The following SAMD9L variants were observed in gnomAD, a reference collection of about 807,000 sequenced individuals.
SAMD9L encodes the protein sterile alpha motif domain containing 9 like.
SAMD9L carries 68 observed loss-of-function variants against 90.7 expected under a neutral mutation model. The observed-to-expected ratio is 0.75, with a 90% CI of 0.62 to 0.92. SAMD9L has a LOEUF of 0.92. Among genes scored for constraint, SAMD9L ranks in the 40% least tolerant of loss-of-function variants. The pLI, the probability that SAMD9L is intolerant of heterozygous loss-of-function variation, is 0.00. For missense variants in SAMD9L, 1,604 were observed against 1,824.3 expected (o/e 0.88, Z 2.20); for synonymous variants, 640 against 630.1 (o/e 1.02, Z -0.23).
Position 93,131,792 on chromosome 7 carries a change from T to C in SAMD9L, c.4180A>G (p.Lys1394Glu), listed in dbSNP as rs1449583407. ...GGTTGAATTAACTTGGAGTTGGGCT[T>C]TAGACAACTCAGAATAATGTTGGCC... The part of the protein sequence containing the change: ...ILANIILSCL[K>E]PNSKLIQPLT... Residue 1394 changes from lysine to glutamate, a missense_variant, in exon 5 of 5, where the codon AAG becomes GAG. Lys to Glu is a moderately conservative substitution (Grantham distance 56). Around this residue, in one of 7 missense-constraint regions of SAMD9L, gnomAD observed 282 missense variants for 329.6 expected, o/e 0.86. Coordinates refer to ENST00000318238, the MANE Select transcript of SAMD9L (RefSeq NM_152703.5). 6.2e-7 allele frequency: 1 copy of C among 1,613,580 alleles called. No homozygotes were observed. The highest frequency in any genetic ancestry group is 8.5e-7 in the Non-Finnish European group (1 of 1,179,822).
rs1237051625 is a variant in SAMD9L, at chr7:93,132,457, C to T, written c.3515G>A (p.Ser1172Asn). 1 of 1,613,430 alleles carries T rather than the reference C, an allele frequency of 6.2e-7. No individual in the cohort carries two copies. Among genetic ancestry groups the T allele is most frequent in the African/African-American group, 1.3e-5 (1 of 74,816 alleles). ...AFKESQRQTD[S>N]KNYETENWSP... The stretch of plus-strand genomic sequence containing the variant: ...CCAGTTCTCGGTTTCATAGTTTTTA[C>T]TATCAGTTTGCCTTTGGGATTCTTT... The change falls in exon 5 of 5, where the codon AGT becomes AAT. Residue 1172 changes from serine to asparagine, a missense_variant. Physicochemically the swap from Ser to Asn is conservative, Grantham distance 46. Coordinates refer to ENST00000318238, the MANE Select transcript of SAMD9L (RefSeq NM_152703.5).
Position 93,135,458 on chromosome 7 carries a change from G to A in SAMD9L, c.514C>T (p.His172Tyr). 1 of 1,614,146 alleles carries A rather than the reference G, an allele frequency of 6.2e-7. No individual in the cohort carries two copies. The change falls in exon 5 of 5, where the codon CAT becomes TAT. Residue 172 changes from histidine (H) to tyrosine (Y), a missense_variant. Coordinates refer to ENST00000318238, the MANE Select transcript of SAMD9L (RefSeq NM_152703.5). Reference sequence around the variant, plus strand: ...TGTTCTATGTAGCGATGGCTGTCATGGAACTGATCAAAAGGATATGGCATA... The same window carrying A: ...TGTTCTATGTAGCGATGGCTGTCATAGAACTGATCAAAAGGATATGGCATA... ...TCMPYPFDQF[H>Y]DSHRYIEHYT...
Position 93,133,914 on chromosome 7 carries a change from G to C in SAMD9L, c.2058C>G (p.His686Gln). Residue 686 changes from histidine to glutamine, a missense_variant, in exon 5 of 5, where the codon CAC becomes CAG. Coordinates refer to ENST00000318238, the MANE Select transcript of SAMD9L (RefSeq NM_152703.5). ...AGGATACTTTGCCACCTCGATAAAAGTGTTCTTCTTTTGATTTCTTAAACT... is the reference window on the plus strand; with the variant it reads ...AGGATACTTTGCCACCTCGATAAAACTGTTCTTCTTTTGATTTCTTAAACT... The part of the protein sequence containing the change: ...FLEFKKSKEE[H>Q]FYRGGKVSWW... The C allele has an allele frequency of 6.2e-7, 1 of 1,613,808 alleles. No homozygotes were observed. Among genetic ancestry groups the C allele is most frequent in the Non-Finnish European group, 8.5e-7 (1 of 1,179,872 alleles).
chr7:93,140,234 T>C (rs1322888132), intron 4 of SAMD9L, among the ~76,000 whole-genome samples: 1 of 148,434 alleles, frequency 6.7e-6, no homozygotes, highest in Non-Finnish European at 1.5e-5. Context: ...TGGAGCATGC[T>C]GAACAATGGC....
chr7:93,144,222 T>C (rs1792803375), intron 4 of SAMD9L, among the ~76,000 whole-genome samples: 1 of 152,194 alleles, frequency 6.6e-6, no homozygotes, highest in Non-Finnish European at 1.5e-5. Flanking sequence ...TTAACTCTAT[T>C]CTGTTCTGGG....
chr7:93,134,529 C>A lies in SAMD9L; in HGVS notation c.1443G>T (p.Trp481Cys). The change falls in exon 5 of 5, where the codon TGG (tryptophan) becomes TGT (cysteine). Residue 481 changes from tryptophan to cysteine, a missense_variant. By Grantham distance (215) the Trp-to-Cys change is radical (BLOSUM62 -2). This residue lies in a region of SAMD9L where 606 missense variants were observed against 717.6 expected (regional missense o/e 0.84). Transcript: ENST00000318238. ...AAAGATTAAGAGTAGAAATCTTCTCCCACATGTTAGTTGTCTTGTCTTCAT... is the reference window on the plus strand; with the variant it reads ...AAAGATTAAGAGTAGAAATCTTCTCACACATGTTAGTTGTCTTGTCTTCAT... Reference protein sequence around the residue: ...NQYEDKTTNMWEKISTLNLYQ... With the variant: ...NQYEDKTTNMCEKISTLNLYQ... The A allele has an allele frequency of 1.2e-6, 2 of 1,613,884 alleles. No individual in the cohort carries two copies. Among genetic ancestry groups the A allele is most frequent in the Non-Finnish European group, 1.7e-6 (2 of 1,179,872 alleles).
chr7:93,132,899 C>T lies in SAMD9L; in HGVS notation c.3073G>A (p.Gly1025Arg). ...TGTTGAAATTTGTCTCTTCCTATTCCAGAATCATAGAATAAATTCTCTTCT... is the reference window on the plus strand; with the variant it reads ...TGTTGAAATTTGTCTCTTCCTATTCTAGAATCATAGAATAAATTCTCTTCT... ...ILEENLFYDS[G>R]IGRDKFQHDV... Residue 1025 changes from glycine (G) to arginine (R), a missense_variant, in exon 5 of 5, where the codon GGA becomes AGA. Transcript: ENST00000318238. The T allele has an allele frequency of 1.2e-6, 2 of 1,613,418 alleles. No individual in the cohort carries two copies. Among genetic ancestry groups the T allele is most frequent in the Non-Finnish European group, 1.7e-6 (2 of 1,179,594 alleles).
In SAMD9L at chr7:93,133,157, C is replaced by A; in HGVS notation, c.2815G>T (p.Val939Phe). 6.2e-7 allele frequency: 1 copy of A among 1,613,422 alleles called. No homozygotes were observed. The highest frequency in any genetic ancestry group is 8.5e-7 in the Non-Finnish European group (1 of 1,179,682). The change falls in exon 5 of 5, where the codon GTT becomes TTT. Residue 939 changes from valine to phenylalanine, a missense_variant. By Grantham distance (50) the Val-to-Phe change is conservative. Transcript: ENST00000318238. ...SSYVTDSTIS[V>F]SQCEIFLGII... ...CCCAAAAATATTTCACACTGTGAAA[C>A]TGAAATTGTAGAGTCAGTAACATAA...
Position 93,131,463 on chromosome 7 carries a change from T to A in SAMD9L, c.4509A>T (p.Thr1503=). 1 of 1,613,958 alleles carries A rather than the reference T, an allele frequency of 6.2e-7. No homozygotes were observed. The highest frequency in any genetic ancestry group is 8.5e-7 in the Non-Finnish European group (1 of 1,179,898). The change falls in exon 5 of 5, where the codon ACA becomes ACT. Residue 1503 remains threonine, a synonymous_variant. Transcript: ENST00000318238. ...CATCCCCACTGTGCCAGAGGGAATT[T>A]GTATTTTGTGCTTTATCAAAGTACT... ...IEQYFDKAQN[T]NSLWHSGDVW... is the part of the protein sequence containing the mutation.
Position 93,138,256 on chromosome 7 carries a change from G to A in SAMD9L, c.-20-2265C>T, listed in dbSNP as rs1001939428. Among the ~76,000 whole-genome samples, 12 of 152,258 alleles carry A rather than the reference G, an allele frequency of 7.9e-5. No homozygotes were observed. In the East Asian group the frequency reaches 9.7e-4, roughly 12 times the overall value. On this transcript the variant is annotated intron_variant, in intron 4 of 4. Coordinates refer to ENST00000318238, the MANE Select transcript of SAMD9L (RefSeq NM_152703.5). ...AATTAGCCCATATATTGTAACTAGC[G>A]ATAAGTGTTATTTATCTTAAGTAGT...
rs761086022 is a variant in SAMD9L at position 93,133,749 on chromosome 7, A to G, written c.2223T>C (p.His741=). The part of the protein sequence containing the change: ...PIFAKIINLY[H]HPGCGGTTLA... The stretch of plus-strand genomic sequence containing the variant: ...GTGTGGTACCTCCACAGCCTGGATG[A>G]TGATAAAGATTGATGATTTTTGCAA... Residue 741 remains histidine, a synonymous_variant, in exon 5 of 5, where the codon CAT becomes CAC. Coordinates refer to ENST00000318238, the MANE Select transcript of SAMD9L (RefSeq NM_152703.5). 1.2e-6 allele frequency: 2 copies of G among 1,613,864 alleles called. No individual in the cohort carries two copies. Among genetic ancestry groups the G allele is most frequent in the Non-Finnish European group, 1.7e-6 (2 of 1,179,892 alleles).
chr7:93,138,413 A>G (rs1228388024), intron 4 of SAMD9L, among the ~76,000 whole-genome samples: 1 of 144,954 alleles, frequency 6.9e-6, no homozygotes, highest in African/African-American at 2.5e-5. Context: ...ATTGGAGAAG[A>G]TAAAAAAAGG....
Position 93,131,908 on chromosome 7 carries a change from G to A in SAMD9L, c.4064C>T (p.Thr1355Ile). 2 of 1,612,804 alleles carry A rather than the reference G, an allele frequency of 1.2e-6. No individual in the cohort carries two copies. The highest frequency in any genetic ancestry group is 1.7e-6 in the Non-Finnish European group (2 of 1,179,814). Residue 1355 changes from threonine to isoleucine, a missense_variant, in exon 5 of 5, where the codon ACC becomes ATC. By Grantham distance (89) the Thr-to-Ile change is moderately conservative. Coordinates refer to ENST00000318238, the MANE Select transcript of SAMD9L (RefSeq NM_152703.5). ...EYLNPNYKDATTMESIVNEYA... is the reference protein window; with the variant it reads ...EYLNPNYKDAITMESIVNEYA... ...TTCATTCACTATACTTTCCATGGTGGTAGCATCTTTGTAGTTTGGATTAAG... is the reference window on the plus strand; with the variant it reads ...TTCATTCACTATACTTTCCATGGTGATAGCATCTTTGTAGTTTGGATTAAG...
chr7:93,143,163 C>T (rs1217078882), intron 4 of SAMD9L, among the ~76,000 whole-genome samples: 1 of 152,124 alleles, frequency 6.6e-6, no homozygotes. Flanking sequence ...ATAGAAACAC[C>T]CTTCTCAAAT....
At chr7:93,137,585 G>A (rs1168195436) in intron 4 of SAMD9L, among the ~76,000 whole-genome samples, 2 of 152,124 alleles carry the variant, frequency 1.3e-5, no homozygotes, top group South Asian at 2.1e-4. Flanking sequence ...CACACAAAAT[G>A]TAATGCCCTT....
chr7:93,147,147 C>T lies in SAMD9L; in HGVS notation c.-1042-1G>A, dbSNP rs1374909324. 1 of 152,136 alleles carries T rather than the reference C, an allele frequency of 6.6e-6. No homozygotes were observed. Among genetic ancestry groups the T allele is most frequent in the African/African-American group, 2.4e-5 (1 of 41,434 alleles). 9.4% of individuals were successfully genotyped at this position (152,136 alleles called of 1,614,324 possible). On this transcript the variant is annotated splice_acceptor_variant, in intron 1 of 4. Transcript: ENST00000318238. LOFTEE classifies it low-confidence loss of function (5UTR_SPLICE). ...ACCAGCCAGTCTCTCTCTGGAAATG[C>T]TAAAGATGGAAAAAACAGACTCCAG... is the stretch of plus-strand genomic sequence containing the variant.
Position 93,133,738 on chromosome 7 carries a change from C to T in SAMD9L, c.2234G>A (p.Cys745Tyr). The T allele has an allele frequency of 1.2e-6, 2 of 1,613,752 alleles. No homozygotes were observed. The highest frequency in any genetic ancestry group is 1.1e-5 in the South Asian group (1 of 91,084). Reference protein sequence around the residue: ...KIINLYHHPGCGGTTLAMHVL... With the variant: ...KIINLYHHPGYGGTTLAMHVL... ...ATGCATAGCCAGTGTGGTACCTCCACAGCCTGGATGATGATAAAGATTGAT... is the reference window on the plus strand; with the variant it reads ...ATGCATAGCCAGTGTGGTACCTCCATAGCCTGGATGATGATAAAGATTGAT... Residue 745 changes from cysteine (C) to tyrosine (Y), a missense_variant, in exon 5 of 5, where the codon TGT becomes TAT. By Grantham distance (194) the Cys-to-Tyr change is radical. Around this residue, in one of 7 missense-constraint regions of SAMD9L, gnomAD observed 606 missense variants for 717.6 expected, o/e 0.84. Coordinates refer to ENST00000318238, the MANE Select transcript of SAMD9L (RefSeq NM_152703.5).
At position 93,131,227 on chromosome 7, in the gene SAMD9L, T is replaced by G; in HGVS notation, c.4745A>C (p.Glu1582Ala). ...AGGTGATGTATTGTCTTAAATTACT[T>G]CTATATCATATGCCAGAGGGCCTTC... is the stretch of plus-strand genomic sequence containing the variant. ...SIEGPLAYDI[E>A]VI The change falls in exon 5 of 5, where the codon GAA becomes GCA. Residue 1582 changes from glutamate to alanine, a missense_variant. This residue lies in a region of SAMD9L where 282 missense variants were observed against 329.6 expected (regional missense o/e 0.86). Transcript: ENST00000318238. The G allele has an allele frequency of 1.3e-6, 2 of 1,535,398 alleles. No individual in the cohort carries two copies. The highest frequency in any genetic ancestry group is 1.8e-6 in the Non-Finnish European group (2 of 1,141,704).
rs1424074588 is a variant in SAMD9L at position 93,135,312 on chromosome 7, T to C, written c.660A>G (p.Glu220=). The part of the protein sequence containing the change: ...EVDIKMKFSN[E]VFRFASACMN... ...TACAAGCTGATGCAAATCGGAAGAC[T>C]TCATTGCTGAATTTCATCTTAATGT... is the stretch of plus-strand genomic sequence containing the variant. The change falls in exon 5 of 5, where the codon GAA becomes GAG. Residue 220 remains glutamate, a synonymous_variant. Transcript: ENST00000318238. 6.2e-7 allele frequency: 1 copy of C among 1,614,046 alleles called. No homozygotes were observed. The highest frequency in any genetic ancestry group is 8.5e-7 in the Non-Finnish European group (1 of 1,180,002).
Sources: gnomAD v4.1 joint callset for allele counts (sites outside exome capture counted in the v4.1 genomes callset) on GRCh38, gnomAD v4.1.1 for gene constraint, gnomAD v4.1.1 regional missense constraint, MANE v1.5 for transcripts, NCBI Gene and HGNC (gene_info 2026-07-23, HGNC 2026-07-21) for gene names.